The following EIPR1 variants were observed in gnomAD, a reference collection of about 807,000 sequenced individuals.
EIPR1 encodes EARP and GARP complex-interacting protein 1.
In EIPR1, 25 loss-of-function variants were observed where a neutral mutation model predicts 48.1. The ratio of observed to expected loss-of-function variants is 0.52; its 90% CI spans 0.38 to 0.73. EIPR1 has a LOEUF of 0.73. Among genes scored for constraint, EIPR1 ranks in the 30% least tolerant of loss-of-function variants. The pLI is 0.00. For synonymous variants in EIPR1, 204 were observed against 201.9 expected, an observed-to-expected ratio of 1.01 and a Z score of -0.09; for missense variants, 415 against 506.2, an observed-to-expected ratio of 0.82 and a Z score of 1.73.
intron 3 of EIPR1, among the ~76,000 whole-genome samples, chr2:3,306,119 C>T (rs1479575154): frequency 5.3e-5 from 8 of 152,224 alleles, no homozygotes; most frequent in Non-Finnish European, 1.0e-4. Flanking sequence ...GGGCACCCAG[C>T]GCAGACGCAT....
chr2:3,377,431 G>C (rs1659926831), intron 1 of EIPR1: 2 of 493,690 alleles, frequency 4.1e-6, no homozygotes, highest in East Asian at 6.5e-5. Context: ...AGGATGTGAA[G>C]GGGAAGGAGG....
chr2:3,300,025 G>A (rs1185950791), intron 3 of EIPR1, among the ~76,000 whole-genome samples: 1 of 152,174 alleles, frequency 6.6e-6, no homozygotes, highest in African/African-American at 2.4e-5. Context: ...GCCTGGCAAA[G>A]CGCAAACTCC....
At chr2:3,357,443 T>C (rs1670756197) in intron 1 of EIPR1, among the ~76,000 whole-genome samples, 1 of 152,208 alleles carries the variant, frequency 6.6e-6, no homozygotes, top group Non-Finnish European at 1.5e-5. Flanking sequence ...ATTTGAGTCC[T>C]TGTGGATGAA....
chr2:3,359,231 A>G (rs2103381554), intron 1 of EIPR1, among the ~76,000 whole-genome samples: 1 of 152,384 alleles, frequency 6.6e-6, no homozygotes, highest in Non-Finnish European at 1.5e-5. Flanking sequence ...CCATCACTTT[A>G]AAATAGAAGA....
At chr2:3,254,386 G>A (rs866302264) in intron 4 of EIPR1, among the ~76,000 whole-genome samples, 1 of 152,110 alleles carries the variant, frequency 6.6e-6, no homozygotes, top group African/African-American at 2.4e-5. Flanking sequence ...AATACTTACC[G>A]CAACTGTAGT....
At chr2:3,237,261 C>T (rs1666435325) in intron 4 of EIPR1, among the ~76,000 whole-genome samples, 1 of 151,196 alleles carries the variant, frequency 6.6e-6, no homozygotes, top group Non-Finnish European at 1.5e-5. Flanking sequence ...CACACACACA[C>T]ACACACACAC....
intron 3 of EIPR1, among the ~76,000 whole-genome samples, chr2:3,334,613 G>T (rs1284416674): frequency 6.6e-6 from 1 of 152,248 alleles, no homozygotes; most frequent in Non-Finnish European, 1.5e-5. Context: ...GAAGGGCGAA[G>T]AGCCAGGTTA....
At chr2:3,377,258 C>A (rs1659916600) in intron 1 of EIPR1, 1 of 204,608 alleles carries the variant, frequency 4.9e-6, no homozygotes, top group Admixed American at 5.9e-5. Flanking sequence ...TTTTACAACT[C>A]TTCTAAATAC....
intron 4 of EIPR1, among the ~76,000 whole-genome samples, chr2:3,228,882 G>A (rs1311227311): frequency 6.6e-6 from 1 of 152,154 alleles, no homozygotes; most frequent in East Asian, 1.9e-4. Flanking sequence ...TAAGTTTCCT[G>A]AGGCCTCCCC....
At chr2:3,198,655 G>A (rs1357748292) in intron 5 of EIPR1, among the ~76,000 whole-genome samples, 1 of 152,028 alleles carries the variant, frequency 6.6e-6, no homozygotes, top group Non-Finnish European at 1.5e-5. Flanking sequence ...GTGTCTGGGG[G>A]AGACATCACA....
At chr2:3,290,582 C>A (rs910871851) in intron 3 of EIPR1, among the ~76,000 whole-genome samples, 1 of 152,192 alleles carries the variant, frequency 6.6e-6, no homozygotes, top group African/African-American at 2.4e-5. Context: ...ATGGGTCTTG[C>A]CACTTGGGCA....
intron 3 of EIPR1, among the ~76,000 whole-genome samples, chr2:3,321,433 G>A (rs776790500): frequency 1.3e-5 from 2 of 152,284 alleles, no homozygotes; most frequent in Non-Finnish European, 2.9e-5. Context: ...ACTTGACGAT[G>A]AGGCTGATGG....
chr2:3,331,385 G>C (rs76239952), intron 3 of EIPR1, among the ~76,000 whole-genome samples: 5 of 46,314 alleles, frequency 1.1e-4, no homozygotes, highest in East Asian at 3.0e-3. Flanking sequence ...GAGATGGTGT[G>C]AGCAGAGGCA....
At chr2:3,373,481 A>C (rs1472943484) in intron 1 of EIPR1, among the ~76,000 whole-genome samples, 4 of 151,834 alleles carry the variant, frequency 2.6e-5, no homozygotes, top group African/African-American at 9.7e-5. Context: ...AGAAAACCCC[A>C]TTGTCTCAGC....
intron 2 of EIPR1, among the ~76,000 whole-genome samples, chr2:3,349,757 A>C (rs13007188): frequency 3.8e-4 from 58 of 152,040 alleles, no homozygotes; most frequent in Non-Finnish European, 7.1e-4. Flanking sequence ...ACAGGGCCAG[A>C]AAGCACACTG....
intron 4 of EIPR1, among the ~76,000 whole-genome samples, chr2:3,242,892 C>T (rs1360547386): frequency 2.0e-5 from 3 of 152,288 alleles, no homozygotes; most frequent in Middle Eastern, 3.4e-3. Flanking sequence ...GCTTTCCACA[C>T]GTGCAAGAAG....
At chr2:3,306,247 T>G (rs1461815682) in intron 3 of EIPR1, among the ~76,000 whole-genome samples, 1 of 152,216 alleles carries the variant, frequency 6.6e-6, no homozygotes, top group African/African-American at 2.4e-5. Flanking sequence ...TTTCCCACAT[T>G]CTGGGTTTCT....
chr2:3,316,194 A>C (rs1442495838), intron 3 of EIPR1, among the ~76,000 whole-genome samples: 13 of 135,840 alleles, frequency 9.6e-5, no homozygotes, highest in Non-Finnish European at 1.6e-5. Flanking sequence ...TCACCATCCC[A>C]GTCCCTACCC....
chr2:3,282,652 C>G (rs1668048724), intron 3 of EIPR1: 1 of 152,262 alleles, frequency 6.6e-6, no homozygotes, highest in Non-Finnish European at 1.5e-5. Flanking sequence ...GGCGGCAACT[C>G]CGTTGCCCAG....
Sources: allele counts gnomAD v4.1 joint callset (sites outside exome capture counted in the v4.1 genomes callset), GRCh38; gene constraint gnomAD v4.1.1; transcripts MANE v1.5; gene names NCBI Gene and HGNC (gene_info 2026-07-23, HGNC 2026-07-21).